The following GRM7 variants were observed in gnomAD, a reference collection of about 807,000 sequenced individuals.
GRM7 encodes glutamate metabotropic receptor 7.
Under a neutral mutation model 84.5 loss-of-function variants are expected in GRM7, and 35 were observed. The observed-to-expected ratio is 0.41, with a 90% confidence interval of 0.32 to 0.55. The LOEUF is 0.55. Ranked by LOEUF, GRM7 falls within the 20% of genes least tolerant of loss-of-function variation. GRM7 has a pLI of 0.19. For missense variants in GRM7, 1,003 were observed against 1,194.6 expected (o/e 0.84, Z 2.36); for synonymous variants, 487 against 455.1 (o/e 1.07, Z -0.89).
rs576157235 is a variant in GRM7, at chr3:7,719,578, C to T, written c.2699-20779C>T. ...CTGTAATCCCAGCACTTTGGGAGGC[C>T]GAGGCTGGCGGATCATGAGGTCAGG... On this transcript the variant is annotated intron_variant, in intron 9 of 9. Transcript: ENST00000357716. Among the ~76,000 whole-genome samples the T allele has an allele frequency of 1.2e-4, 19 of 152,012 alleles. No homozygotes were observed. The South Asian group carries it at 4.0e-3, about 32-fold the overall frequency.
chr3:7,469,356 A>G (rs1057065712), intron 7 of GRM7, among the ~76,000 whole-genome samples: 2 of 152,210 alleles, frequency 1.3e-5, no homozygotes, highest in Admixed American at 1.3e-4. Flanking sequence ...TTGTTATGTT[A>G]AGGCCAGTCA....
intron 7 of GRM7, among the ~76,000 whole-genome samples, chr3:7,474,813 G>A (rs1346699594): frequency 6.6e-6 from 1 of 152,174 alleles, no homozygotes; most frequent in African/African-American, 2.4e-5. Flanking sequence ...AGATTTTACA[G>A]AGTAAGTGAA....
intron 1 of GRM7, among the ~76,000 whole-genome samples, chr3:7,062,043 C>A (rs1233447613): frequency 6.6e-6 from 1 of 151,636 alleles, no homozygotes; most frequent in African/African-American, 2.4e-5. Flanking sequence ...TTTGGATACC[C>A]ACTAGACATT....
chr3:7,422,892 G>A (rs1696454657), intron 5 of GRM7, among the ~76,000 whole-genome samples: 1 of 152,104 alleles, frequency 6.6e-6, no homozygotes, highest in Admixed American at 6.6e-5. Flanking sequence ...ATATTAATAT[G>A]TTAGAATATT....
At chr3:6,896,817 TC>T in intron 1 of GRM7, among the ~76,000 whole-genome samples, 1 of 152,316 alleles carries the variant, frequency 6.6e-6, no homozygotes, top group East Asian at 1.9e-4. Flanking sequence ...GAATTCTTAG[TC>T]CCATTGTTGA....
rs562032049 is a variant in GRM7, at chr3:7,604,995, G to T, written c.2451+25638G>T. Among the ~76,000 whole-genome samples, 2 of 152,100 alleles carry T rather than the reference G, an allele frequency of 1.3e-5. 1 individual carries two copies. ...TCAATAAATATTGCAAACAAATAAT[G>T]CAATAAAATCTCTTTCATTAGTTCA... On this transcript the variant is annotated intron_variant, in intron 8 of 9. Coordinates refer to ENST00000357716, the MANE Select transcript of GRM7 (RefSeq NM_000844.4).
intron 8 of GRM7, among the ~76,000 whole-genome samples, chr3:7,615,954 A>G: frequency 6.6e-6 from 1 of 152,016 alleles, no homozygotes; most frequent in East Asian, 1.9e-4. Context: ...TGTATTACAT[A>G]TATAAACACA....
At chr3:6,883,206 C>T (rs1041747855) in intron 1 of GRM7, among the ~76,000 whole-genome samples, 1 of 151,978 alleles carries the variant, frequency 6.6e-6, no homozygotes, top group South Asian at 2.1e-4. Flanking sequence ...GTTTGTATTT[C>T]TTCTTTTGTG....
At chr3:7,060,788 G>A (rs150425716) in intron 1 of GRM7, among the ~76,000 whole-genome samples, 4 of 151,804 alleles carry the variant, frequency 2.6e-5, no homozygotes, top group Admixed American at 2.6e-4. Flanking sequence ...TTTTTGTTGA[G>A]AAAGGTAGGA....
At chr3:7,629,883 G>A (rs985819400) in intron 8 of GRM7, among the ~76,000 whole-genome samples, 6 of 152,054 alleles carry the variant, frequency 3.9e-5, no homozygotes, top group Middle Eastern at 3.2e-3. Context: ...TAGCACCTTC[G>A]ATTTATTCCC....
At chr3:7,530,577 C>T (rs1415074617) in intron 7 of GRM7, among the ~76,000 whole-genome samples, 4 of 152,168 alleles carry the variant, frequency 2.6e-5, no homozygotes, top group African/African-American at 9.7e-5. Flanking sequence ...AAAAGTGTTC[C>T]TATTTCTCCA....
In GRM7 at chr3:7,695,729, T is replaced by G. The variant is rs184864722; in HGVS notation, c.2698+15434T>G. Reference sequence around the variant, plus strand: ...TCTCATCTGTAAAATTGGTATAATCTTAGTAACTACCGCATGGGGCAGTTA... The same window carrying G: ...TCTCATCTGTAAAATTGGTATAATCGTAGTAACTACCGCATGGGGCAGTTA... On this transcript the variant is annotated intron_variant, in intron 9 of 9. Coordinates refer to ENST00000357716, the MANE Select transcript of GRM7 (RefSeq NM_000844.4). Among the ~76,000 whole-genome samples the G allele has an allele frequency of 2.8e-3, 428 of 152,276 alleles. 7 individuals carry two copies. The highest frequency in any genetic ancestry group is 0.02 in the Middle Eastern group (6 of 294).
intron 2 of GRM7, among the ~76,000 whole-genome samples, chr3:7,268,699 A>T (rs1448026002): frequency 1.3e-5 from 2 of 152,176 alleles, no homozygotes; most frequent in Non-Finnish European, 2.9e-5. Context: ...GTTGTTTCAG[A>T]TTTCCCGTCC....
intron 1 of GRM7, among the ~76,000 whole-genome samples, chr3:7,124,318 C>G (rs150748400): frequency 6.6e-6 from 1 of 152,252 alleles, no homozygotes; most frequent in Admixed American, 6.5e-5. Context: ...AGAGCGGGTC[C>G]TTTTATCTCA....
In GRM7 at chr3:7,656,008, T is replaced by C. The variant is rs142895140; in HGVS notation, c.2452-24041T>C. 4.7e-3 allele frequency among the ~76,000 whole-genome samples: 713 copies of C among 152,294 alleles called. 7 individuals carry two copies. Among genetic ancestry groups the C allele is most frequent in the Middle Eastern group, 0.017 (5 of 294 alleles). On this transcript the variant is annotated intron_variant, in intron 8 of 9. Transcript: ENST00000357716. ...CCAACCCATAAAATGAGAATAATGATGTTATTTCAGGAGATTAAGAGTAAT... is the reference window on the plus strand; with the variant it reads ...CCAACCCATAAAATGAGAATAATGACGTTATTTCAGGAGATTAAGAGTAAT...
At chr3:7,032,802 C>G (rs1574813809) in intron 1 of GRM7, among the ~76,000 whole-genome samples, 1 of 152,156 alleles carries the variant, frequency 6.6e-6, no homozygotes, top group South Asian at 2.1e-4. Context: ...AAATTAGAAT[C>G]TACTATGTAA....
intron 8 of GRM7, among the ~76,000 whole-genome samples, chr3:7,644,034 A>ACACACACC (rs59647615): frequency 0.026 from 3,830 of 147,552 alleles, 148 homozygotes; most frequent in African/African-American, 0.086. Flanking sequence ...ACACACACAC[A>ACACACACC]CCATATATAA....
intron 1 of GRM7, among the ~76,000 whole-genome samples, chr3:7,066,590 C>A (rs1163631852): frequency 6.6e-6 from 1 of 151,822 alleles, no homozygotes; most frequent in Non-Finnish European, 1.5e-5. Flanking sequence ...AGCATTCTAC[C>A]AGACATTCAA....
chr3:6,879,774 CA>C, intron 1 of GRM7, among the ~76,000 whole-genome samples: 1 of 152,132 alleles, frequency 6.6e-6, no homozygotes, highest in Non-Finnish European at 1.5e-5. Flanking sequence ...AGTTTACCTG[CA>C]ATAATAGAAC....
Sources: allele counts gnomAD v4.1 joint callset (sites outside exome capture counted in the v4.1 genomes callset), GRCh38; gene constraint gnomAD v4.1.1; transcripts MANE v1.5; gene names NCBI Gene and HGNC (gene_info 2026-07-23, HGNC 2026-07-21).